Variants in ITGBL1 observed in about 807,000 individuals in gnomAD.
ITGBL1 encodes integrin subunit beta like 1.
In ITGBL1, 51 loss-of-function variants were observed where a neutral mutation model predicts 68.5. The observed-to-expected ratio is 0.74, with a 90% CI of 0.59 to 0.94. The LOEUF (loss-of-function observed/expected upper bound fraction) is 0.94, where lower values mean the gene tolerates loss of function less well. ITGBL1 is among the 40% of genes least tolerant of loss of function. The pLI is 0.00. For synonymous variants in ITGBL1, 209 were observed against 227.3 expected (o/e 0.92, Z 0.72); for missense variants, 649 against 647.4 (o/e 1.00, Z -0.03).
chr13:101,573,032 T>C (rs1170297415), intron 3 of ITGBL1, among the ~76,000 whole-genome samples: 1 of 152,164 alleles, frequency 6.6e-6, no homozygotes, highest in Non-Finnish European at 1.5e-5. Context: ...GGGTATCTCT[T>C]CCTGGTCTAT....
chr13:101,679,349 TTTG>T (rs1238821182), intron 7 of ITGBL1, among the ~76,000 whole-genome samples: 1 of 152,220 alleles, frequency 6.6e-6, no homozygotes, highest in Admixed American at 6.5e-5. Flanking sequence ...GTTGAGTGTG[TTTG>T]TTTACAATCT....
chr13:101,543,447 C>T (rs1440662947), intron 2 of ITGBL1, among the ~76,000 whole-genome samples: 1 of 152,126 alleles, frequency 6.6e-6, no homozygotes, highest in Non-Finnish European at 1.5e-5. Context: ...TGATGGGCTT[C>T]CCTTTGTGGG....
chr13:101,534,630 C>T (rs1414304), intron 2 of ITGBL1, among the ~76,000 whole-genome samples: 123,620 of 152,032 alleles, frequency 0.81, 50,430 homozygotes, highest in African/African-American at 0.89. Context: ...CTCCATCTTC[C>T]TGATGAAGCA....
Position 101,671,426 on chromosome 13 carries a change from G to GTTTTTTTTTT in ITGBL1, c.1016-21158_1016-21149dup, listed in dbSNP as rs66501713. ...AGCTATTTGACAAAAGTATACCTTT[G>GTTTTTTTTTT]TTTTTTTTTTGTTTTTTTTTGTTTT... is the stretch of plus-strand genomic sequence containing the variant. On this transcript the variant is annotated intron_variant, in intron 7 of 10. Transcript: ENST00000376180. Among the ~76,000 whole-genome samples, 793 of 112,540 alleles carry GTTTTTTTTTT rather than the reference G, an allele frequency of 7.0e-3. 167 individuals carry two copies. Among genetic ancestry groups the GTTTTTTTTTT allele is most frequent in the Non-Finnish European group, 8.8e-3 (493 of 55,780 alleles). The allele number at this position is 112,540 out of a possible 152,430, so 73.8% of individuals were successfully genotyped here.
chr13:101,512,003 T>C (rs558271595), intron 2 of ITGBL1, among the ~76,000 whole-genome samples: 1 of 152,320 alleles, frequency 6.6e-6, no homozygotes, highest in African/African-American at 2.4e-5. Flanking sequence ...CTTTTCAGTC[T>C]GCAGATTAAT....
intron 6 of ITGBL1, among the ~76,000 whole-genome samples, chr13:101,595,311 C>T (rs2029896721): frequency 6.6e-6 from 1 of 152,064 alleles, no homozygotes. Context: ...ACAATCAGAT[C>T]TTACGTGAAC....
chr13:101,539,331 C>G (rs191214357), intron 2 of ITGBL1, among the ~76,000 whole-genome samples: 51 of 151,748 alleles, frequency 3.4e-4, no homozygotes, highest in Admixed American at 1.4e-3. Context: ...TGATAGCTTG[C>G]TGAGAATGAT....
At chr13:101,608,576 G>T (rs1371495462) in intron 7 of ITGBL1, among the ~76,000 whole-genome samples, 1 of 151,932 alleles carries the variant, frequency 6.6e-6, no homozygotes, top group Non-Finnish European at 1.5e-5. Flanking sequence ...AATCCTTTGT[G>T]GCTTAACTAA....
At chr13:101,594,040 A>G (rs192564183) in intron 6 of ITGBL1, among the ~76,000 whole-genome samples, 1 of 152,080 alleles carries the variant, frequency 6.6e-6, no homozygotes, top group Admixed American at 6.6e-5. Flanking sequence ...ACATATAATA[A>G]TTTTTAACCT....
At chr13:101,459,238 G>C (rs1342663578) in intron 2 of ITGBL1, among the ~76,000 whole-genome samples, 1 of 152,146 alleles carries the variant, frequency 6.6e-6, no homozygotes, top group Non-Finnish European at 1.5e-5. Flanking sequence ...AATCTTGTCT[G>C]AATTGTTAAC....
chr13:101,565,513 T>A (rs1039207244), intron 2 of ITGBL1, among the ~76,000 whole-genome samples: 1 of 152,126 alleles, frequency 6.6e-6, no homozygotes, highest in Non-Finnish European at 1.5e-5. Flanking sequence ...GCTGTCATCT[T>A]TGCCTCCAAA....
intron 2 of ITGBL1, among the ~76,000 whole-genome samples, chr13:101,547,889 G>T (rs2049853492): frequency 6.7e-6 from 1 of 149,284 alleles, no homozygotes; most frequent in African/African-American, 2.5e-5. Flanking sequence ...TTAAATATGT[G>T]TATATATCTC....
At chr13:101,520,743 A>T (rs2049271736) in intron 2 of ITGBL1, among the ~76,000 whole-genome samples, 1 of 152,222 alleles carries the variant, frequency 6.6e-6, no homozygotes, top group African/African-American at 2.4e-5. Flanking sequence ...CTGGGAATGC[A>T]AGTCATTTGC....
intron 7 of ITGBL1, among the ~76,000 whole-genome samples, chr13:101,653,896 G>C (rs1360722152): frequency 7.1e-6 from 1 of 140,480 alleles, no homozygotes; most frequent in Non-Finnish European, 1.5e-5. Flanking sequence ...ATTTTTAGTA[G>C]AGACAGGGTT....
chr13:101,490,903 G>A (rs1464744274), intron 2 of ITGBL1, among the ~76,000 whole-genome samples: 3 of 152,056 alleles, frequency 2.0e-5, no homozygotes, highest in Admixed American at 6.6e-5. Flanking sequence ...GTTGCCCAAG[G>A]GCCACAGATA....
chr13:101,714,594 T>G, intron 10 of ITGBL1, 43 bp downstream of exon 10: 1 of 1,163,898 alleles, frequency 8.6e-7, no homozygotes, highest in Non-Finnish European at 1.3e-6. Context: ...CCACAGTTTG[T>G]TATAGAGCCA....
chr13:101,652,376 G>A (rs1034034706), intron 7 of ITGBL1, among the ~76,000 whole-genome samples: 48 of 152,142 alleles, frequency 3.2e-4, no homozygotes, highest in Non-Finnish European at 6.3e-4. Context: ...AACCCTGTAA[G>A]TCTATGTGCC....
intron 7 of ITGBL1, among the ~76,000 whole-genome samples, chr13:101,633,977 G>T (rs1432047012): frequency 6.6e-6 from 1 of 151,258 alleles, no homozygotes; most frequent in African/African-American, 2.5e-5. Context: ...GTGGTGTGAT[G>T]ATGCATAAAA....
At chr13:101,522,722 C>T (rs2049306299) in intron 2 of ITGBL1, among the ~76,000 whole-genome samples, 1 of 152,064 alleles carries the variant, frequency 6.6e-6, no homozygotes, top group African/African-American at 2.4e-5. Context: ...GTTCTAGGTG[C>T]CAGGAACAAG....
Sources: gnomAD v4.1 joint callset for allele counts (sites outside exome capture counted in the v4.1 genomes callset) on GRCh38, gnomAD v4.1.1 for gene constraint, MANE v1.5 for transcripts, NCBI Gene and HGNC (gene_info 2026-07-23, HGNC 2026-07-21) for gene names.